ZNF599: variants seen among roughly 807,000 people sequenced by gnomAD.
The protein encoded by ZNF599 is zinc finger protein 599.
ZNF599 carries 10 observed loss-of-function variants against 11.7 expected under a neutral mutation model. The observed-to-expected ratio is 0.86, with a 90% CI of 0.53 to 1.45. The LOEUF (loss-of-function observed/expected upper bound fraction) is 1.45. ZNF599 is among the 40% of genes most tolerant of loss of function. The pLI is 0.00. For synonymous variants in ZNF599, 232 were observed against 253.2 expected, an observed-to-expected ratio of 0.92 and a Z score of 0.79; for missense variants, 688 against 713.6, an observed-to-expected ratio of 0.96 and a Z score of 0.41.
chr19:34,762,113 A>C (rs903514913), intron 3 of ZNF599, among the ~76,000 whole-genome samples: 1 of 152,164 alleles, frequency 6.6e-6, no homozygotes, highest in Non-Finnish European at 1.5e-5. Context: ...ACATGAACCA[A>C]AAACTGAGTT....
At chr19:34,800,582 C>CTTTTTTTTTTTT in the ZNF599 span, among the ~76,000 whole-genome samples, 4 of 73,836 alleles carry the variant, frequency 5.4e-5, no homozygotes, top group African/African-American at 1.9e-4. Flanking sequence ...CTAGCATTTC[C>CTTTTTTTTTTTT]TTTGTTTTTT....
the ZNF599 span, chr19:34,791,716 C>G: frequency 6.6e-6 from 1 of 152,176 alleles, no homozygotes; most frequent in African/African-American, 2.4e-5. Context: ...GATCCCAAGT[C>G]CCCAGGGAGG....
the ZNF599 span, among the ~76,000 whole-genome samples, chr19:34,788,918 T>G: frequency 3.9e-5 from 6 of 152,226 alleles, no homozygotes; most frequent in Non-Finnish European, 8.8e-5. Flanking sequence ...AATTAATATA[T>G]TCCTACCTCA....
rs1426654963 is a variant in ZNF599 at position 34,760,550 on chromosome 19, G to C, written c.251C>G (p.Ala84Gly). The change falls in exon 4 of 4, where the codon GCA becomes GGA. Residue 84 changes from alanine (A) to glycine (G), a missense_variant. Physicochemically the swap from Ala to Gly is moderately conservative, Grantham distance 60. Coordinates refer to ENST00000329285, the MANE Select transcript of ZNF599 (RefSeq NM_001007248.3). ...AGTAGGCTCTGTAATCTTGGGTTTT[G>C]CTTTTTCACCTGAAGGAAATCCAAT... Reference protein sequence around the residue: ...LSQSTCAGEKAKPKITEPTAS... With the variant: ...LSQSTCAGEKGKPKITEPTAS... 23 of 1,594,928 alleles carry C rather than the reference G, an allele frequency of 1.4e-5. No individual in the cohort carries two copies. The South Asian group carries it at 1.6e-4, about 11-fold the overall frequency.
At chr19:34,781,250 AAG>A in the ZNF599 span, among the ~76,000 whole-genome samples, 1 of 152,054 alleles carries the variant, frequency 6.6e-6, no homozygotes, top group Non-Finnish European at 1.5e-5. Context: ...GAAAGAAAGA[AAG>A]AAGAAACAAA....
rs1248331385 is a variant in ZNF599, at chr19:34,759,730, G to A, written c.1071C>T (p.His357=). The change falls in exon 4 of 4, where the codon CAC becomes CAT. Residue 357 remains histidine (H), a synonymous_variant. Transcript: ENST00000329285. The stretch of plus-strand genomic sequence containing the variant: ...GTTTTTCTCCTGTGTGGGTCACATT[G>A]TGCTGGATAAATGTGGAGCGGTGCG... The part of the protein sequence containing the change: ...AFTHRSTFIQ[H]NVTHTGEKPF... 3 of 1,613,410 alleles carry A rather than the reference G, an allele frequency of 1.9e-6. No individual in the cohort carries two copies. Among genetic ancestry groups the A allele is most frequent in the Non-Finnish European group, 2.5e-6 (3 of 1,179,922 alleles).
Position 34,759,922 on chromosome 19 carries a change from G to A in ZNF599, c.879C>T (p.Thr293=). 3 of 1,613,840 alleles carry A rather than the reference G, an allele frequency of 1.9e-6. No individual in the cohort carries two copies. The change falls in exon 4 of 4, where the codon ACC becomes ACT. Residue 293 remains threonine (T), a synonymous_variant. Coordinates refer to ENST00000329285, the MANE Select transcript of ZNF599 (RefSeq NM_001007248.3). ...TATGCTGGATAAAAGAAGAGCGGTGGGTGAATGCTTTGCCACATTCTTTGC... is the reference window on the plus strand; with the variant it reads ...TATGCTGGATAAAAGAAGAGCGGTGAGTGAATGCTTTGCCACATTCTTTGC... ...YECKECGKAF[T]HRSSFIQHNM...
rs1319229953 is a variant in ZNF599 at position 34,759,389 on chromosome 19, C to T, written c.1412G>A (p.Arg471Lys). 3 of 1,613,938 alleles carry T rather than the reference C, an allele frequency of 1.9e-6. No homozygotes were observed. The Admixed American group carries it at 5.0e-5, about 27-fold the overall frequency. Residue 471 changes from arginine (R) to lysine (K), a missense_variant, in exon 4 of 4, where the codon AGG (arginine) becomes AAG (lysine). Coordinates refer to ENST00000329285, the MANE Select transcript of ZNF599 (RefSeq NM_001007248.3). ...THHSVFIRHN[R>K]THSGQKPLEC... Reference sequence around the variant, plus strand: ...CAAGGGTTTTTGTCCACTGTGGGTCCTATTATGTCGAATAAAAACAGAGTG... The same window carrying T: ...CAAGGGTTTTTGTCCACTGTGGGTCTTATTATGTCGAATAAAAACAGAGTG...
the ZNF599 span, among the ~76,000 whole-genome samples, chr19:34,782,431 G>T: frequency 6.6e-6 from 1 of 152,236 alleles, no homozygotes; most frequent in Non-Finnish European, 1.5e-5. Flanking sequence ...CCAAAAAAGG[G>T]GACAGAATCT....
At chr19:34,799,205 G>A in the ZNF599 span, among the ~76,000 whole-genome samples, 1 of 152,206 alleles carries the variant, frequency 6.6e-6, no homozygotes, top group African/African-American at 2.4e-5. Flanking sequence ...GTTTTGCCGT[G>A]TTGCCCAGGC....
At chr19:34,773,863 C>T (rs529174253), upstream of ZNF599, among the ~76,000 whole-genome samples, 15 of 152,134 alleles carry the variant, frequency 9.9e-5, no homozygotes, top group East Asian at 1.7e-3. Flanking sequence ...TGGAACATAC[C>T]GATAAGAACA....
At chr19:34,760,623 C>G (rs191540815) in intron 3 of ZNF599, 64 bp from the exon 4 acceptor site, 1 of 1,387,290 alleles carries the variant, frequency 7.2e-7, no homozygotes, top group African/African-American at 1.4e-5. Flanking sequence ...AACAAAATCA[C>G]CACTTTAGCA....
chr19:34,789,709 T>C, the ZNF599 span, among the ~76,000 whole-genome samples: 1 of 152,188 alleles, frequency 6.6e-6, no homozygotes, highest in African/African-American at 2.4e-5. Context: ...GTTATTTGTT[T>C]TCTTGCTATT....
chr19:34,795,415 C>T, the ZNF599 span, among the ~76,000 whole-genome samples: 3 of 152,166 alleles, frequency 2.0e-5, no homozygotes, highest in Non-Finnish European at 2.9e-5. Flanking sequence ...GCTGGGACCA[C>T]AGGCGCACAC....
upstream of ZNF599, among the ~76,000 whole-genome samples, chr19:34,775,239 G>A (rs971987084): frequency 2.6e-5 from 4 of 152,256 alleles, no homozygotes; most frequent in Admixed American, 6.5e-5. Context: ...AGCAAAGCAA[G>A]AACAACCTAA....
upstream of ZNF599, among the ~76,000 whole-genome samples, chr19:34,777,465 TTATATATTAATTAATATATAA>T (rs1288833830): frequency 2.1e-5 from 2 of 96,458 alleles, no homozygotes; most frequent in African/African-American, 9.5e-5. Context: ...ATATAATATA[TTATATATTAATTAATATATAA>T]TATATGATAT....
At chr19:34,792,937 A>G in the ZNF599 span, among the ~76,000 whole-genome samples, 1 of 152,164 alleles carries the variant, frequency 6.6e-6, no homozygotes, top group East Asian at 1.9e-4. Context: ...CCCTGGACAA[A>G]AAGCCATGCA....
At chr19:34,782,928 A>C in the ZNF599 span, among the ~76,000 whole-genome samples, 1 of 152,126 alleles carries the variant, frequency 6.6e-6, no homozygotes, top group Non-Finnish European at 1.5e-5. Context: ...ACCTCAGTCC[A>C]TCTTCCCATA....
At position 34,760,349 on chromosome 19, in the gene ZNF599, C is replaced by T; in HGVS notation, c.452G>A (p.Ser151Asn). ...PHKEICPEKLSYKHDDLEPDD... is the reference protein window; with the variant it reads ...PHKEICPEKLNYKHDDLEPDD... ...TGGCTCCAAATCATCATGTTTATAA[C>T]TCAACTTCTCAGGGCATATCTCTTT... Residue 151 changes from serine (S) to asparagine (N), a missense_variant, in exon 4 of 4, where the codon AGT (serine) becomes AAT (asparagine). Transcript: ENST00000329285. The T allele has an allele frequency of 6.2e-7, 1 of 1,614,192 alleles. No homozygotes were observed. The highest frequency in any genetic ancestry group is 8.5e-7 in the Non-Finnish European group (1 of 1,180,026).
Sources: allele counts gnomAD v4.1 joint callset (sites outside exome capture counted in the v4.1 genomes callset), GRCh38; gene constraint gnomAD v4.1.1; transcripts MANE v1.5; gene names NCBI Gene and HGNC (gene_info 2026-07-23, HGNC 2026-07-21).